GATA3: variants seen among roughly 807,000 people sequenced by gnomAD.
GATA3 encodes trans-acting T-cell-specific transcription factor GATA-3.
A neutral mutation model predicts 36.0 loss-of-function variants in GATA3; 6 were observed. That is an observed-to-expected ratio of 0.17 (90% CI 0.09 to 0.33). GATA3 has a LOEUF of 0.33. Among genes scored for constraint, GATA3 ranks in the 10% least tolerant of loss-of-function variants. The pLI is 1.00. For synonymous variants in GATA3, 326 were observed against 273.0 expected, an observed-to-expected ratio of 1.19 and a Z score of -1.92; for missense variants, 514 against 610.1, an observed-to-expected ratio of 0.84 and a Z score of 1.66.
Position 8,058,422 on chromosome 10 carries a change from C to T in GATA3, c.359C>T (p.Thr120Met), listed in dbSNP as rs750735308. ...SPWNLSPFSK[T>M]SIHHGSPGPL... ...TGGAATCTCAGCCCCTTCTCCAAGA[C>T]GTCCATCCACCACGGCTCCCCGGGG... is the stretch of plus-strand genomic sequence containing the variant. Residue 120 changes from threonine to methionine, a missense_variant, in exon 3 of 6, where the codon ACG becomes ATG. Around this residue, in one of 3 missense-constraint regions of GATA3, gnomAD observed 381 missense variants for 354.3 expected, o/e 1.08. Transcript: ENST00000379328. 67 of 1,613,022 alleles carry T rather than the reference C, an allele frequency of 4.2e-5. No homozygotes were observed. The highest frequency in any genetic ancestry group is 5.4e-5 in the Non-Finnish European group (64 of 1,179,980).
At chr10:8,047,896 C>G (rs1403678114) in intron 1 of GATA3, among the ~76,000 whole-genome samples, 2 of 151,958 alleles carry the variant, frequency 1.3e-5, no homozygotes, top group Non-Finnish European at 2.9e-5. Context: ...ACCTCTGAGT[C>G]GGGCACAAAC....
chr10:8,057,277 G>A (rs1402716615), intron 2 of GATA3, among the ~76,000 whole-genome samples: 1 of 152,292 alleles, frequency 6.6e-6, no homozygotes, highest in African/African-American at 2.4e-5. Context: ...GCTGAGGCAG[G>A]TACTGGCTTT....
At chr10:8,046,847 C>T (rs1203064068) in intron 1 of GATA3, among the ~76,000 whole-genome samples, 1 of 152,062 alleles carries the variant, frequency 6.6e-6, no homozygotes, top group African/African-American at 2.4e-5. Context: ...TCGGTGGGAT[C>T]AAGCAGGAGG....
rs1362851960 is a variant in GATA3, at chr10:8,055,648, C to A, written c.-8C>A. ...GCCCGGCGAGAGGGCGCGAGCACAGCCGAGGCCATGGAGGTGACGGCGGAC... is the reference window on the plus strand; with the variant it reads ...GCCCGGCGAGAGGGCGCGAGCACAGACGAGGCCATGGAGGTGACGGCGGAC... On this transcript the variant is annotated 5_prime_UTR_variant, in exon 2 of 6. Coordinates refer to ENST00000379328, the MANE Select transcript of GATA3 (RefSeq NM_001002295.2). This position sits in a 1 kb window ranked among gnomAD's most constrained non-coding sequence, Gnocchi z 5.4. The A allele has an allele frequency of 7.1e-6, 11 of 1,553,298 alleles. No individual in the cohort carries two copies. The highest frequency in any genetic ancestry group is 9.6e-6 in the Non-Finnish European group (11 of 1,149,698).
In GATA3 at chr10:8,058,968, T is replaced by C. The variant is rs994447438; in HGVS notation, c.778+127T>C. The stretch of plus-strand genomic sequence containing the variant: ...CCAAAGCCTGCTGAGATGCCATTCT[T>C]CCCATTCTTCCTGCCGGGAAGGCAC... On this transcript the variant is annotated intron_variant, in intron 3 of 5. Coordinates refer to ENST00000379328, the MANE Select transcript of GATA3 (RefSeq NM_001002295.2). The C allele has an allele frequency of 7.2e-6, 6 of 827,770 alleles. No homozygotes were observed. In the African/African-American group the frequency reaches 1.0e-4, roughly 14 times the overall value. 51.3% of individuals were successfully genotyped at this position (827,770 alleles called of 1,614,324 possible).
chr10:8,061,532 A>C (rs1393217710), intron 3 of GATA3, among the ~76,000 whole-genome samples: 5 of 152,194 alleles, frequency 3.3e-5, no homozygotes, highest in East Asian at 1.9e-4. Context: ...GAGGGGAGGA[A>C]AGAAGGCAGG....
At chr10:8,072,355 C>T (rs554796177) in intron 5 of GATA3, among the ~76,000 whole-genome samples, 25 of 152,250 alleles carry the variant, frequency 1.6e-4, no homozygotes, top group African/African-American at 4.8e-4. Context: ...GCTTTCAGCC[C>T]GGGAAGTCAG....
At chr10:8,064,492 T>C (rs551517476) in intron 4 of GATA3, among the ~76,000 whole-genome samples, 1 of 152,214 alleles carries the variant, frequency 6.6e-6, no homozygotes, top group Non-Finnish European at 1.5e-5. Flanking sequence ...CTGGTTTAAG[T>C]GCACTGATGA....
upstream of GATA3, among the ~76,000 whole-genome samples, chr10:8,054,322 G>T (rs1348558859): frequency 3.3e-5 from 5 of 152,212 alleles, no homozygotes; most frequent in Non-Finnish European, 7.3e-5. The surrounding 1 kb of genome is among the most constrained non-coding windows in gnomAD (Gnocchi z 4.2). Flanking sequence ...CATGAATGGG[G>T]CAGGCTGGCT....
intron 5 of GATA3, among the ~76,000 whole-genome samples, chr10:8,069,977 G>C (rs1000654323): frequency 6.6e-6 from 1 of 152,198 alleles, no homozygotes; most frequent in Non-Finnish European, 1.5e-5. Context: ...TGCAGAAAGA[G>C]AGAATGAAAG....
chr10:8,067,222 T>C (rs140338733), intron 4 of GATA3, among the ~76,000 whole-genome samples: 11 of 152,318 alleles, frequency 7.2e-5, no homozygotes, highest in African/African-American at 2.6e-4. Flanking sequence ...TCAGCACTCA[T>C]GGACAATGTG....
chr10:8,055,673 C>A lies in GATA3; in HGVS notation c.18C>A (p.Asp6Glu). MEVTA[D>E]QPRWVSHHHP... ...CCGAGGCCATGGAGGTGACGGCGGA[C>A]CAGCCGCGCTGGGTGAGCCACCACC... Residue 6 changes from aspartate (D) to glutamate (E), a missense_variant, in exon 2 of 6, where the codon GAC becomes GAA. Asp to Glu is a conservative substitution (Grantham distance 45). Transcript: ENST00000379328. The surrounding 1 kb of genome is among the most constrained non-coding windows in gnomAD (Gnocchi z 5.4). 1 of 1,557,500 alleles carries A rather than the reference C, an allele frequency of 6.4e-7. No individual in the cohort carries two copies. The highest frequency in any genetic ancestry group is 8.7e-7 in the Non-Finnish European group (1 of 1,151,110).
At chr10:8,046,446 C>T (rs966665277) in intron 1 of GATA3, among the ~76,000 whole-genome samples, 2 of 152,122 alleles carry the variant, frequency 1.3e-5, no homozygotes, top group Admixed American at 6.5e-5. Context: ...TCCATGCTCA[C>T]CAGGATGCTG....
upstream of GATA3, among the ~76,000 whole-genome samples, chr10:8,048,801 C>G (rs936092068): frequency 1.3e-5 from 2 of 152,234 alleles, no homozygotes; most frequent in Non-Finnish European, 2.9e-5. Flanking sequence ...AATCCCCTGC[C>G]CTCTCCCTTC....
intron 3 of GATA3, among the ~76,000 whole-genome samples, 195 bp from the exon 4 acceptor site, chr10:8,063,798 C>T (rs528784383): frequency 3.2e-4 from 48 of 152,260 alleles, no homozygotes; most frequent in African/African-American, 9.1e-4. Context: ...GTCGGGGGAA[C>T]GGTCATGCCA....
intron 3 of GATA3, among the ~76,000 whole-genome samples, chr10:8,062,262 A>G (rs1832761227): frequency 1.3e-5 from 2 of 151,926 alleles, no homozygotes; most frequent in African/African-American, 4.8e-5. Flanking sequence ...TTTGTGTTTA[A>G]TCTCAGGGGT....
chr10:8,050,354 C>A (rs1341300155), upstream of GATA3: 2 of 152,290 alleles, frequency 1.3e-5, no homozygotes, highest in African/African-American at 4.8e-5. Context: ...CTGCGACGTG[C>A]AGACCGCGGG....
intron 4 of GATA3, among the ~76,000 whole-genome samples, chr10:8,067,540 C>T (rs992068032): frequency 1.5e-4 from 23 of 152,246 alleles, no homozygotes; most frequent in Middle Eastern, 3.4e-3. Flanking sequence ...AATCCCAGGC[C>T]GGGTGCGGTG....
Position 8,058,407 on chromosome 10 carries a change from G to A in GATA3, c.344G>A (p.Ser115Asn). ...SHHTASPWNL[S>N]PFSKTSIHHG... Reference sequence around the variant, plus strand: ...CACACCGCCTCCCCCTGGAATCTCAGCCCCTTCTCCAAGACGTCCATCCAC... The same window carrying A: ...CACACCGCCTCCCCCTGGAATCTCAACCCCTTCTCCAAGACGTCCATCCAC... Residue 115 changes from serine (S) to asparagine (N), a missense_variant, in exon 3 of 6, where the codon AGC (serine) becomes AAC (asparagine). Transcript: ENST00000379328. 6.2e-7 allele frequency: 1 copy of A among 1,612,808 alleles called. No individual in the cohort carries two copies. The highest frequency in any genetic ancestry group is 1.1e-5 in the South Asian group (1 of 91,078).
Sources: allele counts gnomAD v4.1 joint callset (sites outside exome capture counted in the v4.1 genomes callset), GRCh38; gene constraint gnomAD v4.1.1; regional missense constraint gnomAD v4.1.1; non-coding constraint Gnocchi (gnomAD v3.1); transcripts MANE v1.5; gene names NCBI Gene and HGNC (gene_info 2026-07-23, HGNC 2026-07-21).